SHROOM4: variants seen among roughly 807,000 people sequenced by gnomAD.
SHROOM4 encodes shroom family member 4.
Under a neutral mutation model 80.3 loss-of-function variants are expected in SHROOM4, and 17 were observed. The observed-to-expected ratio is 0.21, with a 90% CI of 0.14 to 0.32. SHROOM4 has a LOEUF of 0.32. Ranked by LOEUF, SHROOM4 falls within the 10% of genes least tolerant of loss-of-function variation. SHROOM4 has a pLI of 1.00. For missense variants in SHROOM4, 993 were observed against 1,140.3 expected (o/e 0.87, Z 1.86); for synonymous variants, 400 against 437.5 (o/e 0.91, Z 1.07).
At chrX:50,586,575 G>A (rs1351159024), downstream of SHROOM4, among the ~76,000 whole-genome samples, 1 of 111,910 alleles carries the variant, frequency 8.9e-6, no homozygotes, top group African/African-American at 3.2e-5. Flanking sequence ...CTCAGGAGGA[G>A]AGGAGCTTTT....
chrX:50,703,984 C>T (rs17003184), intron 1 of SHROOM4, among the ~76,000 whole-genome samples: 2,791 of 111,228 alleles, frequency 0.025, 101 homozygotes, highest in African/African-American at 0.085. Flanking sequence ...TGGAACAAAC[C>T]GGAGGAATGA....
At chrX:50,631,500 G>GT (rs2147286426) in intron 4 of SHROOM4, among the ~76,000 whole-genome samples, 1 of 112,172 alleles carries the variant, frequency 8.9e-6, no homozygotes, top group East Asian at 2.8e-4. Flanking sequence ...TCCAAACATT[G>GT]TATTGAAGGT....
intron 1 of SHROOM4, among the ~76,000 whole-genome samples, chrX:50,744,645 T>G (rs1934737903): frequency 1.8e-5 from 2 of 112,290 alleles, no homozygotes; most frequent in South Asian, 7.4e-4. Context: ...ATGGTCACAC[T>G]TAACTTATTT....
chrX:50,720,763 T>C (rs1934087706), intron 1 of SHROOM4, among the ~76,000 whole-genome samples: 2 of 110,096 alleles, frequency 1.8e-5, no homozygotes, highest in South Asian at 7.9e-4. Context: ...AAATGAAGAG[T>C]GGGATTATAA....
Position 50,787,214 on chromosome X carries a change from G to A in SHROOM4, c.117+26688C>T, listed in dbSNP as rs1204333609. The stretch of plus-strand genomic sequence containing the variant: ...AGTTTGGGCAACAGAGCAAGACCAT[G>A]TCTCAAAAAAGAAAAAAAAAAAAAC... On this transcript the variant is annotated intron_variant, in intron 1 of 8. Transcript: ENST00000376020. Among the ~76,000 whole-genome samples, 15 of 106,573 alleles carry A rather than the reference G, an allele frequency of 1.4e-4. No individual in the cohort carries two copies. In the Admixed American group the frequency reaches 1.5e-3, roughly 11 times the overall value. The allele number at this position is 106,573 out of a possible 115,157, so 92.5% of individuals were successfully genotyped here. A position where few individuals can be genotyped will look rare whatever the true frequency, so the allele number is the denominator to read the frequency against.
At chrX:50,766,763 T>C (rs1198332349) in intron 1 of SHROOM4, among the ~76,000 whole-genome samples, 1 of 111,478 alleles carries the variant, frequency 9.0e-6, no homozygotes, top group Non-Finnish European at 1.9e-5. Context: ...TAGTGAAATA[T>C]GATAAAGCAT....
intron 1 of SHROOM4, among the ~76,000 whole-genome samples, chrX:50,768,573 C>T (rs1220824922): frequency 2.7e-5 from 3 of 111,978 alleles, no homozygotes; most frequent in Non-Finnish European, 3.8e-5. Context: ...AGCCATCCTT[C>T]GAGTTTGGTC....
chrX:50,769,422 G>T (rs1309492996), intron 1 of SHROOM4, among the ~76,000 whole-genome samples: 3 of 112,044 alleles, frequency 2.7e-5, no homozygotes, highest in Admixed American at 9.4e-5. Context: ...ATCATTAGGC[G>T]TCGCAGGCCC....
intron 6 of SHROOM4, among the ~76,000 whole-genome samples, chrX:50,605,871 A>C (rs781844827): frequency 8.9e-6 from 1 of 112,610 alleles, no homozygotes; most frequent in African/African-American, 3.2e-5. Context: ...AGAAATACTT[A>C]ATAAATGTTC....
intron 2 of SHROOM4, among the ~76,000 whole-genome samples, chrX:50,659,820 T>A (rs1932434710): frequency 8.9e-6 from 1 of 112,189 alleles, no homozygotes; most frequent in Non-Finnish European, 1.9e-5. Context: ...ATGGGAATTA[T>A]AATAATGGGA....
At chrX:50,691,914 G>T (rs1933231749) in intron 2 of SHROOM4, among the ~76,000 whole-genome samples, 1 of 111,480 alleles carries the variant, frequency 9.0e-6, no homozygotes, top group Admixed American at 9.5e-5. Context: ...ACATGTGAAG[G>T]TTAAGTTTTC....
chrX:50,768,735 T>A (rs782320272), intron 1 of SHROOM4, among the ~76,000 whole-genome samples: 1 of 112,214 alleles, frequency 8.9e-6, no homozygotes, highest in South Asian at 3.7e-4. Context: ...GTCCAAAGAT[T>A]ACATATGCTG....
intron 4 of SHROOM4, among the ~76,000 whole-genome samples, chrX:50,629,699 G>A (rs1048306657): frequency 2.7e-5 from 3 of 111,625 alleles, no homozygotes; most frequent in Non-Finnish European, 5.6e-5. Context: ...CAATTGGTAA[G>A]TGAAATAATT....
Position 50,792,282 on chromosome X carries a change from C to G in SHROOM4, c.117+21620G>C, listed in dbSNP as rs782517936. ...GGGAGGCCGAGGCTGGTGGATCACC[C>G]GAGGTCAGGAGTTCGAGACCAGTCT... On this transcript the variant is annotated intron_variant, in intron 1 of 8. Coordinates refer to ENST00000376020, the MANE Select transcript of SHROOM4 (RefSeq NM_020717.5). 2.7e-5 allele frequency among the ~76,000 whole-genome samples: 3 copies of G among 111,460 alleles called. No individual in the cohort carries two copies. The South Asian group carries it at 1.1e-3, about 43-fold the overall frequency.
At chrX:50,727,041 C>T (rs186608823) in intron 1 of SHROOM4, among the ~76,000 whole-genome samples, 1 of 113,191 alleles carries the variant, frequency 8.8e-6, no homozygotes, top group Non-Finnish European at 1.9e-5. Context: ...CCAAGGCCTT[C>T]GGAGCCCCTC....
intron 1 of SHROOM4, among the ~76,000 whole-genome samples, chrX:50,768,159 G>C (rs1429178561): frequency 2.7e-5 from 3 of 111,910 alleles, no homozygotes; most frequent in East Asian, 2.8e-4. Context: ...TACATGATTA[G>C]CCTTCAAAAA....
intron 5 of SHROOM4, among the ~76,000 whole-genome samples, chrX:50,619,383 A>G (rs1273824950): frequency 9.0e-6 from 1 of 111,042 alleles, no homozygotes; most frequent in Non-Finnish European, 1.9e-5. Flanking sequence ...AGAAACAGAC[A>G]CTCCCAGGTT....
intron 1 of SHROOM4, among the ~76,000 whole-genome samples, chrX:50,808,808 T>G (rs782715800): frequency 9.9e-5 from 11 of 110,888 alleles, no homozygotes; most frequent in Non-Finnish European, 1.9e-4. Flanking sequence ...ATTTTCTTTG[T>G]GTGAAGTTTT....
At chrX:50,808,123 C>G (rs1362185456) in intron 1 of SHROOM4, among the ~76,000 whole-genome samples, 1 of 111,415 alleles carries the variant, frequency 9.0e-6, no homozygotes, top group East Asian at 2.8e-4. Flanking sequence ...TAGGGCTCTG[C>G]TAGAAAAGTG....
Sources: gnomAD v4.1 joint callset for allele counts (sites outside exome capture counted in the v4.1 genomes callset) on GRCh38, gnomAD v4.1.1 for gene constraint, MANE v1.5 for transcripts, NCBI Gene and HGNC (gene_info 2026-07-23, HGNC 2026-07-21) for gene names.